The following MEMO1 variants were observed in gnomAD, a reference collection of about 807,000 sequenced individuals.
The protein encoded by MEMO1 is protein MEMO1.
In MEMO1, 6 loss-of-function variants were observed where a neutral mutation model predicts 45.2. The ratio of observed to expected loss-of-function variants is 0.13; its 90% CI spans 0.07 to 0.26. MEMO1 has a LOEUF of 0.26. Ranked by LOEUF, MEMO1 falls within the 10% of genes least tolerant of loss-of-function variation. MEMO1 has a pLI of 1.00. For synonymous variants in MEMO1, 78 were observed against 124.3 expected (o/e 0.63, Z 2.48); for missense variants, 184 against 370.5 (o/e 0.50, Z 4.13).
chr2:31,982,174 G>A (rs1300188258), intron 2 of MEMO1, among the ~76,000 whole-genome samples: 2 of 151,946 alleles, frequency 1.3e-5, no homozygotes, highest in African/African-American at 4.8e-5. Context: ...GTGGGTGCCT[G>A]TAATCCCAGC....
At chr2:31,933,337 AAAAAAAAAAAAATT>A (rs1394584384) in intron 3 of MEMO1, among the ~76,000 whole-genome samples, 54 of 65,168 alleles carry the variant, frequency 8.3e-4, no homozygotes, top group African/African-American at 3.4e-3. Context: ...AAAAAAAAAA[AAAAAAAAAAAAATT>A]TATATATATA....
chr2:31,932,315 T>A (rs1159803553), intron 3 of MEMO1, among the ~76,000 whole-genome samples, 180 bp from the exon 4 acceptor site: 2 of 152,234 alleles, frequency 1.3e-5, no homozygotes, highest in Admixed American at 1.3e-4. Context: ...ACATGATCTA[T>A]ACTGTGTTCC....
At chr2:31,996,726 C>A (rs1351623406) in intron 2 of MEMO1, among the ~76,000 whole-genome samples, 1 of 152,092 alleles carries the variant, frequency 6.6e-6, no homozygotes, top group African/African-American at 2.4e-5. Flanking sequence ...CCCATAACTA[C>A]AGAAAACATA....
At chr2:32,002,144 C>CAAAAAAAAAAAAAAAA (rs1156408005) in intron 2 of MEMO1, among the ~76,000 whole-genome samples, 1 of 55,694 alleles carries the variant, frequency 1.8e-5, no homozygotes, top group Non-Finnish European at 3.2e-5. Flanking sequence ...GACTCTGTCT[C>CAAAAAAAAAAAAAAAA]AAAAAAAAAA....
chr2:31,883,349 C>T (rs772698906), intron 8 of MEMO1, 37 bp downstream of exon 8: 4 of 1,369,108 alleles, frequency 2.9e-6, no homozygotes, highest in Non-Finnish European at 3.0e-6. Context: ...AAAGAAAAAG[C>T]CTTAGAGCAT....
At chr2:32,009,997 G>A (rs2148635938) in intron 2 of MEMO1, among the ~76,000 whole-genome samples, 190 bp downstream of exon 2, 1 of 150,152 alleles carries the variant, frequency 6.7e-6, no homozygotes, top group South Asian at 2.1e-4. Flanking sequence ...CGGGATGCCC[G>A]CCGCCCGGGT....
chr2:31,942,006 C>G (rs984193194), intron 3 of MEMO1, among the ~76,000 whole-genome samples: 5 of 152,128 alleles, frequency 3.3e-5, no homozygotes, highest in Non-Finnish European at 5.9e-5. Flanking sequence ...TCACAAACAA[C>G]AACATGCTAT....
At chr2:31,915,120 G>A (rs1681235340) in intron 6 of MEMO1, among the ~76,000 whole-genome samples, 1 of 151,952 alleles carries the variant, frequency 6.6e-6, no homozygotes, top group Non-Finnish European at 1.5e-5. Context: ...CAACAGAGCT[G>A]AGACTCTTTC....
chr2:31,870,002 A>G lies in MEMO1; in HGVS notation c.658-50T>C, dbSNP rs769365638. 6 of 1,291,742 alleles carry G rather than the reference A, an allele frequency of 4.6e-6. No homozygotes were observed. In the African/African-American group the frequency reaches 9.4e-5, roughly 20 times the overall value. The allele number at this position is 1,291,742 out of a possible 1,614,324, so 80.0% of individuals were successfully genotyped here. Reference sequence around the variant, plus strand: ...AAGAAAAAAATAAAAGAAGAAGACAATATTTATTATTTCCTAATTATATTT... The same window carrying G: ...AAGAAAAAAATAAAAGAAGAAGACAGTATTTATTATTTCCTAATTATATTT... On this transcript the variant is annotated intron_variant, in intron 8 of 9. Coordinates refer to ENST00000404530, the MANE Select transcript of MEMO1 (RefSeq NM_001301833.4).
intron 2 of MEMO1, among the ~76,000 whole-genome samples, chr2:32,000,083 A>G (rs990962136): frequency 3.5e-4 from 53 of 151,720 alleles, no homozygotes; most frequent in African/African-American, 1.3e-3. Context: ...TGATGGTCTC[A>G]CTTTTTTGTC....
intron 3 of MEMO1, among the ~76,000 whole-genome samples, chr2:31,933,346 AAAATTTAT>A (rs1664476177): frequency 1.2e-4 from 3 of 25,508 alleles, no homozygotes; most frequent in African/African-American, 1.6e-4. Context: ...AAAAAAAAAA[AAAATTTAT>A]ATATATATAT....
At chr2:31,968,422 A>G (rs1459145298) in intron 2 of MEMO1, among the ~76,000 whole-genome samples, 1 of 152,206 alleles carries the variant, frequency 6.6e-6, no homozygotes, top group Non-Finnish European at 1.5e-5. Flanking sequence ...TGTCATGCTG[A>G]TAACCCGACC....
At chr2:31,963,013 T>C (rs1299044079) in intron 2 of MEMO1, among the ~76,000 whole-genome samples, 1 of 152,226 alleles carries the variant, frequency 6.6e-6, no homozygotes, top group East Asian at 1.9e-4. Flanking sequence ...TCCTCCTGAC[T>C]AAGCCTTCAA....
At chr2:31,907,265 G>C (rs1311126150) in intron 6 of MEMO1, among the ~76,000 whole-genome samples, 1 of 151,848 alleles carries the variant, frequency 6.6e-6, no homozygotes, top group Admixed American at 6.6e-5. Context: ...ATTATACTTA[G>C]TACATTTTGA....
At chr2:31,921,837 CAAAG>C (rs1682353948) in intron 4 of MEMO1, among the ~76,000 whole-genome samples, 1 of 151,998 alleles carries the variant, frequency 6.6e-6, no homozygotes, top group African/African-American at 2.4e-5. Context: ...TTCTCAAAAA[CAAAG>C]AAACTAGATT....
At chr2:31,933,351 T>TATATATATATATATATATA (rs869274123) in intron 3 of MEMO1, among the ~76,000 whole-genome samples, 4 of 45,088 alleles carry the variant, frequency 8.9e-5, no homozygotes, top group Non-Finnish European at 1.1e-4. Context: ...AAAAAAAAAT[T>TATATATATATATATATATA]TATATATATA....
chr2:31,978,156 G>A (rs1449267627), intron 2 of MEMO1, among the ~76,000 whole-genome samples: 1 of 152,058 alleles, frequency 6.6e-6, no homozygotes, highest in Non-Finnish European at 1.5e-5. Flanking sequence ...GTAAGTCAAG[G>A]CGGGAGGATC....
intron 1 of MEMO1, 161 bp from the exon 2 acceptor site, chr2:32,010,425 G>C (rs1304023632): frequency 4.8e-6 from 2 of 416,698 alleles, no homozygotes; most frequent in South Asian, 5.1e-5. Flanking sequence ...GGCGGCCCAG[G>C]AGGAGGAGAT....
chr2:31,987,000 C>T (rs969370074), intron 2 of MEMO1, among the ~76,000 whole-genome samples: 1 of 152,136 alleles, frequency 6.6e-6, no homozygotes, highest in Non-Finnish European at 1.5e-5. Context: ...AAAACAATGG[C>T]CGAAGTTTTC....
Sources: allele counts gnomAD v4.1 joint callset (sites outside exome capture counted in the v4.1 genomes callset), GRCh38; gene constraint gnomAD v4.1.1; transcripts MANE v1.5; gene names NCBI Gene and HGNC (gene_info 2026-07-23, HGNC 2026-07-21).